Variants in PRKDC observed in about 807,000 individuals in gnomAD.
PRKDC encodes the protein DNA-dependent protein kinase catalytic subunit.
Under a neutral mutation model 486.9 loss-of-function variants are expected in PRKDC, and 82 were observed. The observed-to-expected ratio is 0.17, with a 90% CI of 0.14 to 0.20. PRKDC has a LOEUF of 0.20. PRKDC is among the 10% of genes least tolerant of loss of function. PRKDC has a pLI of 1.00. For synonymous variants in PRKDC, 1,895 were observed against 1,837.0 expected, an observed-to-expected ratio of 1.03 and a Z score of -0.81; for missense variants, 4,504 against 5,038.2, an observed-to-expected ratio of 0.89 and a Z score of 3.21.
intron 17 of PRKDC, among the ~76,000 whole-genome samples, chr8:47,930,237 T>C (rs2090227319): frequency 6.6e-6 from 1 of 152,248 alleles, no homozygotes; most frequent in South Asian, 2.1e-4. Flanking sequence ...TTTAAAGATC[T>C]ATATAATCGA....
At chr8:47,905,499 T>C (rs1416378027) in intron 25 of PRKDC, among the ~76,000 whole-genome samples, 1 of 152,214 alleles carries the variant, frequency 6.6e-6, no homozygotes, top group Non-Finnish European at 1.5e-5. Flanking sequence ...CAAGATATCC[T>C]GGATTACAGA....
At chr8:47,948,339 A>C (rs2090571259) in intron 7 of PRKDC, among the ~76,000 whole-genome samples, 1 of 151,040 alleles carries the variant, frequency 6.6e-6, no homozygotes, top group South Asian at 2.1e-4. Context: ...CGATCTCTTG[A>C]CCTTGTGATC....
At chr8:47,832,031 G>A (rs1466603878) in intron 59 of PRKDC, 105 bp from the exon 60 acceptor site, 10 of 977,358 alleles carry the variant, frequency 1.0e-5, no homozygotes, top group Middle Eastern at 3.3e-4. Context: ...TACAGGTGCC[G>A]CAGAGGCAGC....
chr8:47,781,681 T>C (rs547381860), intron 80 of PRKDC, among the ~76,000 whole-genome samples: 46 of 152,274 alleles, frequency 3.0e-4, no homozygotes, highest in African/African-American at 1.1e-3. Context: ...TAAAAAAGCA[T>C]CCACATCATG....
At chr8:47,929,242 T>C (rs1735991572) in intron 18 of PRKDC, 64 bp from the exon 19 acceptor site, 2 of 1,140,604 alleles carry the variant, frequency 1.8e-6, no homozygotes, top group Non-Finnish European at 2.6e-6. Context: ...CCCAATCCAG[T>C]AGTTCCTAGC....
intron 63 of PRKDC, among the ~76,000 whole-genome samples, chr8:47,825,120 A>G (rs2087704931): frequency 6.6e-6 from 1 of 152,180 alleles, no homozygotes; most frequent in Admixed American, 6.5e-5. Context: ...GTCAGGGAAG[A>G]GGGAGAGCTA....
At position 47,957,387 on chromosome 8, in the gene PRKDC, C is replaced by T; in HGVS notation, c.199G>A (p.Val67Ile). Residue 67 changes from valine (V) to isoleucine (I), a missense_variant, in exon 2 of 86, where the codon GTA becomes ATA. By Grantham distance (29) the Val-to-Ile change is conservative. Coordinates refer to ENST00000314191, the MANE Select transcript of PRKDC (RefSeq NM_006904.7). Reference protein sequence around the residue: ...LVFSRDFGLLVFVRKSLNSIE... With the variant: ...LVFSRDFGLLIFVRKSLNSIE... Reference sequence around the variant, plus strand: ...CTGTTGAGTGACTTCCGGACAAATACAAGCAAACCGAAATCTCTGGAAAAA... The same window carrying T: ...CTGTTGAGTGACTTCCGGACAAATATAAGCAAACCGAAATCTCTGGAAAAA... 1 of 1,597,344 alleles carries T rather than the reference C, an allele frequency of 6.3e-7. No homozygotes were observed. The highest frequency in any genetic ancestry group is 8.5e-7 in the Non-Finnish European group (1 of 1,171,164).
chr8:47,777,954 CAT>C (rs2086634470), intron 83 of PRKDC, 80 bp from the exon 84 acceptor site: 1 of 1,274,848 alleles, frequency 7.8e-7, no homozygotes, highest in African/African-American at 1.5e-5. Flanking sequence ...AGCATCCTCA[CAT>C]AGTTACTGTT....
In PRKDC at chr8:47,882,081, T is replaced by C; in HGVS notation, c.4793A>G (p.Asn1598Ser). The C allele has an allele frequency of 6.2e-7, 1 of 1,612,888 alleles. No homozygotes were observed. The highest frequency in any genetic ancestry group is 8.5e-7 in the Non-Finnish European group (1 of 1,179,482). The change falls in exon 37 of 86, where the codon AAC (asparagine) becomes AGC (serine). Residue 1598 changes from asparagine (N) to serine (S), a missense_variant. Physicochemically the swap from Asn to Ser is conservative, Grantham distance 46 (BLOSUM62 1). Transcript: ENST00000314191. ...CCTGAAGCTCTGGTCTAACATGCCG[T>C]TCAAAACGGCACTCACCTGAGACAA... ...DNTKMVSAVL[N>S]GMLDQSFRER...
intron 31 of PRKDC, among the ~76,000 whole-genome samples, chr8:47,892,670 C>T (rs1162410644): frequency 6.6e-6 from 1 of 151,752 alleles, no homozygotes; most frequent in African/African-American, 2.4e-5. Flanking sequence ...ATTAAAAAGA[C>T]GTAGATAGGG....
Position 47,774,421 on chromosome 8 carries a change from G to A in PRKDC, c.12183-44C>T. ...CAGAAAACACAAAGCATGTGTCATT[G>A]TCCTTTGTTGCCTGCATCCCTAGTG... is the stretch of plus-strand genomic sequence containing the variant. On this transcript the variant is annotated intron_variant, in intron 85 of 85. Transcript: ENST00000314191. 2.6e-6 allele frequency: 4 copies of A among 1,563,384 alleles called. No homozygotes were observed. In the South Asian group the frequency reaches 4.6e-5, roughly 18 times the overall value.
Position 47,893,212 on chromosome 8 carries a change from G to C in PRKDC, c.3774C>G (p.Asp1258Glu). The change falls in exon 31 of 86, where the codon GAC (aspartate) becomes GAG (glutamate). Residue 1258 changes from aspartate to glutamate, a missense_variant. Asp to Glu is a conservative substitution (Grantham distance 45). Around this residue, in one of 6 missense-constraint regions of PRKDC, gnomAD observed 1,969 missense variants for 2,068.9 expected, o/e 0.95. Coordinates refer to ENST00000314191, the MANE Select transcript of PRKDC (RefSeq NM_006904.7). Reference sequence around the variant, plus strand: ...AGCACTCCAACGCGGCCAGGAGCAGGTCCAGCCAGCATAGCGTGGCCTGCA... The same window carrying C: ...AGCACTCCAACGCGGCCAGGAGCAGCTCCAGCCAGCATAGCGTGGCCTGCA... ...FSLQATLCWL[D>E]LLLAALECYN... 4 of 1,613,106 alleles carry C rather than the reference G, an allele frequency of 2.5e-6. No homozygotes were observed. The highest frequency in any genetic ancestry group is 3.4e-6 in the Non-Finnish European group (4 of 1,179,476).
At chr8:47,818,235 G>A (rs572246192) in intron 67 of PRKDC, among the ~76,000 whole-genome samples, 1 of 152,156 alleles carries the variant, frequency 6.6e-6, no homozygotes, top group Admixed American at 6.5e-5. Flanking sequence ...ATCTCTATAA[G>A]CCTCTAAAAA....
intron 54 of PRKDC, among the ~76,000 whole-genome samples, chr8:47,840,767 A>C (rs547673788): frequency 6.6e-6 from 1 of 152,358 alleles, no homozygotes; most frequent in South Asian, 2.1e-4. Flanking sequence ...TGCTTCATAC[A>C]GTAGATACTC....
intron 67 of PRKDC, among the ~76,000 whole-genome samples, chr8:47,818,830 C>T (rs902458143): frequency 2.0e-5 from 3 of 152,246 alleles, no homozygotes; most frequent in African/African-American, 7.2e-5. Context: ...GATTAACAAA[C>T]AAAACATTTT....
chr8:47,820,954 T>C lies in PRKDC; in HGVS notation c.9112-11A>G. ...AGGTAGATATGTTTCCTAAGGAACATAAAAATATACTTGTAACTACAGAAG... is the reference window on the plus strand; with the variant it reads ...AGGTAGATATGTTTCCTAAGGAACACAAAAATATACTTGTAACTACAGAAG... On this transcript the variant is annotated splice_polypyrimidine_tract_variant and intron_variant, in intron 65 of 85. Coordinates refer to ENST00000314191, the MANE Select transcript of PRKDC (RefSeq NM_006904.7). 2 of 1,523,844 alleles carry C rather than the reference T, an allele frequency of 1.3e-6. No individual in the cohort carries two copies. Among genetic ancestry groups the C allele is most frequent in the East Asian group, 2.3e-5 (1 of 43,934 alleles). The allele number at this position is 1,523,844 out of a possible 1,614,324, so 94.4% of individuals were successfully genotyped here. A position where few individuals can be genotyped will look rare whatever the true frequency, so the allele number is the denominator to read the frequency against.
chr8:47,936,984 C>T (rs991171928), intron 11 of PRKDC, among the ~76,000 whole-genome samples: 2 of 150,502 alleles, frequency 1.3e-5, no homozygotes, highest in African/African-American at 2.4e-5. Context: ...CCGGGTGCGG[C>T]GGCCCATGCC....
chr8:47,939,357 C>T (rs1247164904), intron 11 of PRKDC, among the ~76,000 whole-genome samples, 194 bp downstream of exon 11: 1 of 152,184 alleles, frequency 6.6e-6, no homozygotes, highest in Non-Finnish European at 1.5e-5. Context: ...TCACATCCAG[C>T]ACACACTGTA....
At chr8:47,878,059 T>TTCACTATA (rs2089126772) in intron 39 of PRKDC, among the ~76,000 whole-genome samples, 1 of 151,728 alleles carries the variant, frequency 6.6e-6, no homozygotes, top group East Asian at 1.9e-4. Flanking sequence ...TATATCAATG[T>TTCACTATA]TCACTATATA....
Sources: gnomAD v4.1 joint callset for allele counts (sites outside exome capture counted in the v4.1 genomes callset) on GRCh38, gnomAD v4.1.1 for gene constraint, gnomAD v4.1.1 regional missense constraint, MANE v1.5 for transcripts, NCBI Gene and HGNC (gene_info 2026-07-23, HGNC 2026-07-21) for gene names.